C1QTNF7: variants seen among roughly 807,000 people sequenced by gnomAD.
The protein encoded by C1QTNF7 is complement C1q tumor necrosis factor-related protein 7.
Under a neutral mutation model 19.6 loss-of-function variants are expected in C1QTNF7, and 15 were observed. The observed-to-expected ratio is 0.76, with a 90% CI of 0.51 to 1.18. The LOEUF (loss-of-function observed/expected upper bound fraction) is 1.18, where lower values mean the gene tolerates loss of function less well. Among genes scored for constraint, C1QTNF7 ranks in the 50% most tolerant of loss-of-function variants. The probability of loss-of-function intolerance (pLI) is 0.00; values close to 1 mark genes in which losing one functional copy is unlikely to be tolerated. For synonymous variants in C1QTNF7, 142 were observed against 137.5 expected (o/e 1.03, Z -0.23); for missense variants, 324 against 359.7 (o/e 0.90, Z 0.80).
intron 2 of C1QTNF7, among the ~76,000 whole-genome samples, chr4:15,441,097 G>A (rs551563859): frequency 2.6e-5 from 4 of 152,154 alleles, no homozygotes; most frequent in South Asian, 4.2e-4. Context: ...AGCCAAGATC[G>A]CGCCATGACA....
At chr4:15,408,006 C>T (rs1448662416) in intron 1 of C1QTNF7, among the ~76,000 whole-genome samples, 2 of 152,132 alleles carry the variant, frequency 1.3e-5, no homozygotes, top group African/African-American at 2.4e-5. Flanking sequence ...TGGTGGCTCA[C>T]GCCTGTAATC....
intron 1 of C1QTNF7, among the ~76,000 whole-genome samples, chr4:15,393,031 G>A (rs1718634942): frequency 6.6e-6 from 1 of 152,194 alleles, no homozygotes; most frequent in African/African-American, 2.4e-5. Flanking sequence ...TGTTGTGGAA[G>A]GGACCTGGTG....
intron 1 of C1QTNF7, among the ~76,000 whole-genome samples, chr4:15,405,810 C>A (rs569318805): frequency 3.2e-4 from 48 of 152,342 alleles, no homozygotes; most frequent in Middle Eastern, 3.4e-3. Flanking sequence ...CCCTGCATAA[C>A]CCAGCCTGTG....
intron 1 of C1QTNF7, among the ~76,000 whole-genome samples, chr4:15,401,264 G>C (rs982392281): frequency 6.6e-6 from 1 of 152,148 alleles, no homozygotes; most frequent in Non-Finnish European, 1.5e-5. Context: ...TGAGGAGCGT[G>C]TGGGGAGGAG....
Position 15,356,315 on chromosome 4 carries a change from G to T in C1QTNF7, c.13+16108G>T, listed in dbSNP as rs184567033. ...CCTCGTGTGTCCCTGTGTTCTCATT[G>T]TTCAACTCCCACTTATGAGTGAGAA... On this transcript the variant is annotated intron_variant, in intron 1 of 2. Coordinates refer to the C1QTNF7 transcript ENST00000295297. 2.3e-3 allele frequency among the ~76,000 whole-genome samples: 349 copies of T among 152,054 alleles called. 2 individuals carry two copies. Among genetic ancestry groups the T allele is most frequent in the African/African-American group, 8.1e-3 (336 of 41,466 alleles).
chr4:15,341,982 CAGGGCCCCAG>C (rs771457658), intron 1 of C1QTNF7, among the ~76,000 whole-genome samples: 6 of 152,238 alleles, frequency 3.9e-5, no homozygotes, highest in African/African-American at 7.2e-5. Context: ...GGCCCCACCC[CAGGGCCCCAG>C]AGGGCCCCAA....
At chr4:15,392,694 G>A (rs554243733) in intron 1 of C1QTNF7, among the ~76,000 whole-genome samples, 3 of 152,334 alleles carry the variant, frequency 2.0e-5, no homozygotes, top group East Asian at 1.9e-4. Context: ...CAGGCATTCC[G>A]TGTGAGTCTG....
chr4:15,340,466 C>T (rs865954720), intron 1 of C1QTNF7, among the ~76,000 whole-genome samples: 12 of 152,084 alleles, frequency 7.9e-5, no homozygotes, highest in African/African-American at 2.4e-4. Flanking sequence ...AAAATGTAAG[C>T]GGAGTCTTCA....
At chr4:15,369,454 G>A (rs1222297877) in intron 1 of C1QTNF7, among the ~76,000 whole-genome samples, 1 of 152,072 alleles carries the variant, frequency 6.6e-6, no homozygotes, top group Non-Finnish European at 1.5e-5. Flanking sequence ...TTGCTGCATT[G>A]TTTAGGTGTA....
At chr4:15,345,497 C>G (rs1677830729) in intron 1 of C1QTNF7, among the ~76,000 whole-genome samples, 1 of 152,176 alleles carries the variant, frequency 6.6e-6, no homozygotes, top group African/African-American at 2.4e-5. Flanking sequence ...TCCCCTCTCC[C>G]CAGCATATAC....
chr4:15,426,188 AG>A (rs1712039286), upstream of C1QTNF7, among the ~76,000 whole-genome samples: 1 of 152,224 alleles, frequency 6.6e-6, no homozygotes, highest in African/African-American at 2.4e-5. Flanking sequence ...TTATCTGCCT[AG>A]GAAAGACAAA....
intron 1 of C1QTNF7, among the ~76,000 whole-genome samples, chr4:15,430,852 C>CA (rs1029382516): frequency 2.1e-4 from 32 of 151,790 alleles, no homozygotes; most frequent in African/African-American, 6.1e-4. Flanking sequence ...AAAAATGAAA[C>CA]AAAAAAATTG....
At chr4:15,348,690 A>C (rs1225834456) in intron 1 of C1QTNF7, among the ~76,000 whole-genome samples, 3 of 152,232 alleles carry the variant, frequency 2.0e-5, no homozygotes, top group Non-Finnish European at 4.4e-5. Context: ...CAGATTTTTC[A>C]AGAAAACTCA....
intron 1 of C1QTNF7, among the ~76,000 whole-genome samples, chr4:15,366,913 G>A (rs904585731): frequency 2.6e-5 from 4 of 152,136 alleles, no homozygotes; most frequent in African/African-American, 9.7e-5. Context: ...AAAAATTGGG[G>A]GGAAAAGATA....
intron 1 of C1QTNF7, among the ~76,000 whole-genome samples, chr4:15,372,670 G>T (rs1419771515): frequency 6.6e-6 from 1 of 152,168 alleles, no homozygotes; most frequent in African/African-American, 2.4e-5. Context: ...TTTCAAGGGG[G>T]CGCTGATCTT....
At chr4:15,397,988 C>T (rs1049473766) in intron 1 of C1QTNF7, among the ~76,000 whole-genome samples, 5 of 152,192 alleles carry the variant, frequency 3.3e-5, no homozygotes, top group African/African-American at 9.6e-5. Context: ...CCTGTAGAGT[C>T]CTTCCTAAAC....
intron 1 of C1QTNF7, among the ~76,000 whole-genome samples, chr4:15,370,234 A>G (rs1051380786): frequency 6.6e-6 from 1 of 152,180 alleles, no homozygotes; most frequent in Admixed American, 6.6e-5. Flanking sequence ...AAAGGGGTTC[A>G]TGGGACCAAC....
At chr4:15,426,679 T>C (rs1712069529), upstream of C1QTNF7, among the ~76,000 whole-genome samples, 1 of 152,244 alleles carries the variant, frequency 6.6e-6, no homozygotes, top group Non-Finnish European at 1.5e-5. Flanking sequence ...TATTCTTTTA[T>C]TGGTCTACAA....
intron 1 of C1QTNF7, among the ~76,000 whole-genome samples, chr4:15,383,735 G>T (rs1010681581): frequency 2.0e-5 from 3 of 152,230 alleles, no homozygotes; most frequent in Non-Finnish European, 4.4e-5. Flanking sequence ...AGCAACGTCT[G>T]TAGTATCTTT....
Sources: gnomAD v4.1 joint callset for allele counts (sites outside exome capture counted in the v4.1 genomes callset) on GRCh38, gnomAD v4.1.1 for gene constraint, MANE v1.5 for transcripts, NCBI Gene and HGNC (gene_info 2026-07-23, HGNC 2026-07-21) for gene names.